Variants in PACS2 observed in about 807,000 individuals in gnomAD.
PACS2 encodes PACS1-like protein.
In PACS2, 36 loss-of-function variants were observed where a neutral mutation model predicts 113.0. The observed-to-expected ratio is 0.32, with a 90% CI of 0.24 to 0.42. The LOEUF is 0.42. Among genes scored for constraint, PACS2 ranks in the 10% least tolerant of loss-of-function variants. PACS2 has a pLI of 1.00. For missense variants in PACS2, 1,015 were observed against 1,239.5 expected (o/e 0.82, Z 2.72); for synonymous variants, 589 against 536.1 (o/e 1.10, Z -1.36).
chr14:105,327,978 C>T (rs1196457170), intron 1 of PACS2, among the ~76,000 whole-genome samples: 1 of 152,232 alleles, frequency 6.6e-6, no homozygotes, highest in African/African-American at 2.4e-5. Context: ...GACAGCCGAG[C>T]CTTGGCTCAC....
At chr14:105,331,248 C>T (rs1281189573) in intron 1 of PACS2, among the ~76,000 whole-genome samples, 2 of 152,228 alleles carry the variant, frequency 1.3e-5, no homozygotes, top group African/African-American at 2.4e-5. Flanking sequence ...AGCCACCGTG[C>T]CCAGCCTGGG....
chr14:105,361,234 C>T (rs1159778778), intron 4 of PACS2, among the ~76,000 whole-genome samples: 1 of 152,260 alleles, frequency 6.6e-6, no homozygotes, highest in Non-Finnish European at 1.5e-5. Flanking sequence ...TGGCTCACAC[C>T]TGTCATCCCA....
Position 105,348,747 on chromosome 14 carries a change from G to T in PACS2, c.207+167G>T, listed in dbSNP as rs112769417. 2.2e-4 allele frequency: 134 copies of T among 611,798 alleles called. No homozygotes were observed. The African/African-American group carries it at 2.2e-3, about 10-fold the overall frequency. 37.9% of individuals were successfully genotyped at this position (611,798 alleles called of 1,614,324 possible). A position where few individuals can be genotyped will look rare whatever the true frequency, so the allele number is the denominator to read the frequency against. On this transcript the variant is annotated intron_variant, in intron 2 of 24. Transcript: ENST00000447393. The surrounding 1 kb of genome is among the most constrained non-coding windows in gnomAD (Gnocchi z 6.4). ...GCTGGGAATGACAGGATGCTCCTGG[G>T]TCCAGTCCTGTCCCGCACAAGGGAG... is the stretch of plus-strand genomic sequence containing the variant.
chr14:105,326,292 G>A (rs1056240986), intron 1 of PACS2, among the ~76,000 whole-genome samples: 12 of 152,134 alleles, frequency 7.9e-5, no homozygotes, highest in Non-Finnish European at 1.5e-4. Flanking sequence ...CGGGGGCTCC[G>A]CAGCAGCAGT....
At position 105,356,703 on chromosome 14, in the gene PACS2, C is replaced by G. The variant is rs1449669967; in HGVS notation, c.423+1526C>G. Among the ~76,000 whole-genome samples the G allele has an allele frequency of 6.6e-6, 1 of 151,050 alleles. No individual in the cohort carries two copies. Among genetic ancestry groups the G allele is most frequent in the Non-Finnish European group, 1.5e-5 (1 of 67,656 alleles). ...CTGATCCCTGCCGGTCCCTGTGTTT[C>G]CCATTAGCCATGCAGGCGAGGTCCT... On this transcript the variant is annotated intron_variant, in intron 4 of 24. Transcript: ENST00000447393. This position sits in a 1 kb window ranked among gnomAD's most constrained non-coding sequence, Gnocchi z 4.0.
At chr14:105,336,371 C>G (rs138210291) in intron 1 of PACS2, 18 of 152,440 alleles carry the variant, frequency 1.2e-4, no homozygotes, top group African/African-American at 4.1e-4. Flanking sequence ...GTGGCGCGGC[C>G]GCTTGCCAGG....
At chr14:105,359,943 T>C (rs2060614209) in intron 4 of PACS2, among the ~76,000 whole-genome samples, 1 of 152,210 alleles carries the variant, frequency 6.6e-6, no homozygotes, top group Non-Finnish European at 1.5e-5. Context: ...TTTTTCTGTG[T>C]TTAAATGTGT....
intron 5 of PACS2, 46 bp from the exon 6 acceptor site, chr14:105,368,028 G>C: frequency 7.6e-7 from 1 of 1,320,204 alleles, no homozygotes; most frequent in Non-Finnish European, 1.1e-6. Context: ...CTGGTTTCCC[G>C]GGTGGAATCT....
rs587624211 is a variant in PACS2, at chr14:105,397,024, C to G, written c.*2352C>G. The G allele has an allele frequency of 3.9e-5, 6 of 152,250 alleles. No homozygotes were observed. Among genetic ancestry groups the G allele is most frequent in the African/African-American group, 7.2e-5 (3 of 41,438 alleles). The allele number at this position is 152,250 out of a possible 1,614,324, so 9.4% of individuals were successfully genotyped here. On this transcript the variant is annotated 3_prime_UTR_variant, in exon 25 of 25. Transcript: ENST00000447393. ...CATCCTTAGCCACGCAAGGGGAGAA[C>G]ATGGGCAGAGTCTCCATCCAGCAGC...
chr14:105,375,859 C>T (rs587649765), intron 8 of PACS2, among the ~76,000 whole-genome samples: 3 of 152,336 alleles, frequency 2.0e-5, no homozygotes, highest in African/African-American at 7.2e-5. Context: ...TGCCCGTCAG[C>T]TGGTGATCTG....
At chr14:105,364,428 T>TGC (rs1161125689) in intron 4 of PACS2, among the ~76,000 whole-genome samples, 1 of 88,524 alleles carries the variant, frequency 1.1e-5, no homozygotes, top group Non-Finnish European at 2.0e-5. Context: ...GTGTCCCGGG[T>TGC]GCGCGGTGGG....
chr14:105,393,371 A>G (rs782447913), intron 24 of PACS2, 36 bp downstream of exon 24: 2 of 1,456,048 alleles, frequency 1.4e-6, no homozygotes, highest in South Asian at 1.1e-5. Context: ...GTAGAGTGGG[A>G]CGTAGGTGAG....
intron 1 of PACS2, among the ~76,000 whole-genome samples, chr14:105,338,032 C>A (rs2140945702): frequency 6.6e-6 from 1 of 152,344 alleles, no homozygotes; most frequent in African/African-American, 2.4e-5. Flanking sequence ...CTGTCTCTGG[C>A]CTCCTCACCC....
At position 105,314,924 on chromosome 14, in the gene PACS2, C is replaced by T. The variant is rs2058499315; in HGVS notation, c.6C>T (p.Ala2=). M[A]ERGRLGLPGA... ...GGAGCGGCGGGGCCGGCGCCATGGC[C>T]GAGCGAGGCCGCCTCGGCCTCCCCG... Residue 2 remains alanine (A), a synonymous_variant, in exon 1 of 25, where the codon GCC becomes GCT. Coordinates refer to ENST00000447393, the MANE Select transcript of PACS2 (RefSeq NM_001100913.3). 9.4e-7 allele frequency: 1 copy of T among 1,063,410 alleles called. No individual in the cohort carries two copies. Among genetic ancestry groups the T allele is most frequent in the Non-Finnish European group, 1.1e-6 (1 of 875,936 alleles). 65.9% of individuals were successfully genotyped at this position (1,063,410 alleles called of 1,614,324 possible).
chr14:105,322,452 G>T (rs1191747057), intron 1 of PACS2, among the ~76,000 whole-genome samples: 3 of 151,558 alleles, frequency 2.0e-5, no homozygotes, highest in African/African-American at 7.3e-5. Context: ...TTTTAGTAGA[G>T]ACGGGGTTTC....
intron 1 of PACS2, among the ~76,000 whole-genome samples, chr14:105,339,765 G>A (rs1423816966): frequency 6.6e-6 from 1 of 151,808 alleles, no homozygotes; most frequent in Non-Finnish European, 1.5e-5. Context: ...ACAAAAGCCA[G>A]AAGCTGATTG....
chr14:105,308,116 G>A (rs587746950), intron 1 of PACS2, among the ~76,000 whole-genome samples: 1 of 152,226 alleles, frequency 6.6e-6, no homozygotes, highest in Admixed American at 6.5e-5. Flanking sequence ...CCAGGTGACT[G>A]AGGCTGCAGT....
chr14:105,386,974 C>T (rs1420799809), intron 19 of PACS2, among the ~76,000 whole-genome samples: 1 of 152,206 alleles, frequency 6.6e-6, no homozygotes, highest in Non-Finnish European at 1.5e-5. Flanking sequence ...GCTTGTATCT[C>T]CCAGGTCAGC....
rs1382027076 is a variant in PACS2 at position 105,340,622 on chromosome 14, CA to C, written c.120-7870del. 1.3e-5 allele frequency among the ~76,000 whole-genome samples: 2 copies of C among 152,196 alleles called. No homozygotes were observed. The highest frequency in any genetic ancestry group is 2.4e-5 in the African/African-American group (1 of 41,460). ...TGGTGCTCATCTCCTGCTGTGCGGCCAGTTGCTAACAGGCCAGGAACCTGTC... is the reference window on the plus strand; with the variant it reads ...TGGTGCTCATCTCCTGCTGTGCGGCCGTTGCTAACAGGCCAGGAACCTGTC... On this transcript the variant is annotated intron_variant, in intron 1 of 24. Transcript: ENST00000447393. This position sits in a 1 kb window ranked among gnomAD's most constrained non-coding sequence, Gnocchi z 4.2.
Sources: allele counts gnomAD v4.1 joint callset (sites outside exome capture counted in the v4.1 genomes callset), GRCh38; gene constraint gnomAD v4.1.1; non-coding constraint Gnocchi (gnomAD v3.1); transcripts MANE v1.5; gene names NCBI Gene and HGNC (gene_info 2026-07-23, HGNC 2026-07-21).